The following FKBP4 variants were observed in gnomAD, a reference collection of about 807,000 sequenced individuals.
The protein encoded by FKBP4 is FKBP prolyl isomerase 4, also known as peptidyl-prolyl cis-trans isomerase FKBP4.
FKBP4 carries 28 observed loss-of-function variants against 54.1 expected under a neutral mutation model. The ratio of observed to expected loss-of-function variants is 0.52; its 90% confidence interval spans 0.38 to 0.71. The LOEUF is 0.71. Among genes scored for constraint, FKBP4 ranks in the 30% least tolerant of loss-of-function variants. The pLI is 0.00. For missense variants in FKBP4, 493 were observed against 574.4 expected (o/e 0.86, Z 1.45); for synonymous variants, 223 against 216.1 (o/e 1.03, Z -0.28).
chr12:2,798,176 G>A lies in FKBP4; in HGVS notation c.393+305G>A, dbSNP rs772363354. ...AAGGAGTCGGGATGTCAGAAACTAT[G>A]TCCCGTTATAAATGGCAGTACAGAA... On this transcript the variant is annotated intron_variant, in intron 3 of 9. Coordinates refer to ENST00000001008, the MANE Select transcript of FKBP4 (RefSeq NM_002014.4). The surrounding 1 kb of genome is among the most constrained non-coding windows in gnomAD (Gnocchi z 4.3). Among the ~76,000 whole-genome samples the A allele has an allele frequency of 1.3e-5, 2 of 152,240 alleles. No homozygotes were observed. The highest frequency in any genetic ancestry group is 2.4e-5 in the African/African-American group (1 of 41,472).
Position 2,795,148 on chromosome 12 carries a change from CGAG to C in FKBP4, c.13_15del (p.Glu5del). The C allele has an allele frequency of 7.6e-7, 1 of 1,307,712 alleles. No individual in the cohort carries two copies. The highest frequency in any genetic ancestry group is 9.8e-7 in the Non-Finnish European group (1 of 1,019,264). 81.0% of individuals were successfully genotyped at this position (1,307,712 alleles called of 1,614,324 possible). On this transcript the variant is annotated inframe_deletion, in exon 1 of 10. Transcript: ENST00000001008. The surrounding 1 kb of genome is among the most constrained non-coding windows in gnomAD (Gnocchi z 4.3). Reference sequence around the variant, plus strand: ...CGGCGCGCCGCGCGGAGATGACAGCCGAGGAGATGAAGGCGACCGAGAGCGGGG... The same window carrying C: ...CGGCGCGCCGCGCGGAGATGACAGCCGAGATGAAGGCGACCGAGAGCGGGG...
At chr12:2,796,962 A>G in intron 1 of FKBP4, 176 bp from the exon 2 acceptor site, 1 of 1,388,470 alleles carries the variant, frequency 7.2e-7, no homozygotes. Context: ...GAAAGACAAG[A>G]AGGTTAGTTG....
chr12:2,799,054 AC>A, intron 4 of FKBP4, 33 bp from the exon 5 acceptor site: 1 of 1,522,510 alleles, frequency 6.6e-7, no homozygotes. Context: ...CTGCCCTCTT[AC>A]AACTCTGGTA....
At chr12:2,799,458 T>A (rs1466872527) in intron 5 of FKBP4, among the ~76,000 whole-genome samples, 1 of 152,190 alleles carries the variant, frequency 6.6e-6, no homozygotes, top group Non-Finnish European at 1.5e-5. Context: ...TGCTACAGAT[T>A]CTCTCCTCTG....
intron 1 of FKBP4, chr12:2,796,089 G>A: frequency 8.4e-7 from 1 of 1,196,790 alleles, no homozygotes; most frequent in South Asian, 1.5e-5. Flanking sequence ...CCTGCCTTGG[G>A]TCGGAGCAGG....
intron 5 of FKBP4, 23 bp from the exon 6 acceptor site, chr12:2,799,827 C>T (rs1230979091): frequency 1.9e-6 from 3 of 1,601,458 alleles, no homozygotes; most frequent in African/African-American, 2.7e-5. Context: ...CAAGATGATA[C>T]ATAGTGTTTT....
At position 2,803,316 on chromosome 12, in the gene FKBP4, CCT is replaced by C. The variant is rs2097905898; in HGVS notation, c.*59_*60del. 5 of 1,225,214 alleles carry C rather than the reference CCT, an allele frequency of 4.1e-6. No homozygotes were observed. The highest frequency in any genetic ancestry group is 2.0e-5 in the Admixed American group (1 of 48,994). The allele number at this position is 1,225,214 out of a possible 1,614,324, so 75.9% of individuals were successfully genotyped here. A position where few individuals can be genotyped will look rare whatever the true frequency, so the allele number is the denominator to read the frequency against. On this transcript the variant is annotated 3_prime_UTR_variant, in exon 10 of 10. Coordinates refer to ENST00000001008, the MANE Select transcript of FKBP4 (RefSeq NM_002014.4). ...CTGCCCCCCAGTCTCCCCACTCCAC[CCT>C]GTTAGTTTTGTAAAAACTGAAGAAT...
In FKBP4 at chr12:2,795,757, A is replaced by G. The variant is rs2097901411; in HGVS notation, c.105+513A>G. ...GCCAGGACGGGGAGCGACTCCCCAC[A>G]GTGCTTTCCTGGCCCTTCGGCCTTT... On this transcript the variant is annotated intron_variant, in intron 1 of 9. Coordinates refer to ENST00000001008, the MANE Select transcript of FKBP4 (RefSeq NM_002014.4). This position sits in a 1 kb window ranked among gnomAD's most constrained non-coding sequence, Gnocchi z 4.3. The G allele has an allele frequency of 6.1e-6, 1 of 162,680 alleles. No homozygotes were observed. The highest frequency in any genetic ancestry group is 2.4e-5 in the African/African-American group (1 of 41,532). The allele number at this position is 162,680 out of a possible 1,614,324, so 10.1% of individuals were successfully genotyped here. A position where few individuals can be genotyped will look rare whatever the true frequency, so the allele number is the denominator to read the frequency against.
In FKBP4 at chr12:2,804,302, G is replaced by C. The variant is rs1485940439; in HGVS notation, c.*1044G>C. On this transcript the variant is annotated 3_prime_UTR_variant, in exon 10 of 10. Transcript: ENST00000001008. ...ACCATGCATGTTCATTTTGAAGTTG[G>C]AATTGGTCTTCTGCCTACCTCTGAT... The C allele has an allele frequency of 6.6e-6, 1 of 152,210 alleles. No homozygotes were observed. The highest frequency in any genetic ancestry group is 2.4e-5 in the African/African-American group (1 of 41,460). The allele number at this position is 152,210 out of a possible 1,614,324, so 9.4% of individuals were successfully genotyped here.
At chr12:2,799,699 A>C (rs1039341567) in intron 5 of FKBP4, 151 bp from the exon 6 acceptor site, 2 of 673,136 alleles carry the variant, frequency 3.0e-6, no homozygotes, top group Non-Finnish European at 5.3e-6. Context: ...ACCATCTGAC[A>C]GTGTGAAGAG....
intron 8 of FKBP4, 63 bp downstream of exon 8, chr12:2,800,640 A>G: frequency 6.7e-7 from 1 of 1,489,000 alleles, no homozygotes; most frequent in Non-Finnish European, 9.0e-7. Context: ...AGCTGCCAGC[A>G]TGTCTGAAAC....
At position 2,795,477 on chromosome 12, in the gene FKBP4, C is replaced by A. The variant is rs931265361; in HGVS notation, c.105+233C>A. ...GGCGGCCTAGGTGCGCGGGCCGAGG[C>A]CCCAGGCTCCCCAGCCGGCAGCGCC... On this transcript the variant is annotated intron_variant, in intron 1 of 9. Coordinates refer to ENST00000001008, the MANE Select transcript of FKBP4 (RefSeq NM_002014.4). The surrounding 1 kb of genome is among the most constrained non-coding windows in gnomAD (Gnocchi z 4.3). Among the ~76,000 whole-genome samples the A allele has an allele frequency of 9.5e-5, 14 of 147,180 alleles. No individual in the cohort carries two copies. The highest frequency in any genetic ancestry group is 1.1e-4 in the Non-Finnish European group (7 of 66,046).
chr12:2,797,098 C>G (rs761818033), intron 1 of FKBP4, 40 bp from the exon 2 acceptor site: 3 of 1,609,942 alleles, frequency 1.9e-6, no homozygotes, highest in South Asian at 2.2e-5. Flanking sequence ...CCTTTCTGCC[C>G]CAAACCCTGG....
rs1259042323 is a variant in FKBP4 at position 2,795,046 on chromosome 12, C to G, written c.-94C>G. 1 of 684,634 alleles carries G rather than the reference C, an allele frequency of 1.5e-6. No homozygotes were observed. Among genetic ancestry groups the G allele is most frequent in the East Asian group, 3.9e-5 (1 of 25,338 alleles). The allele number at this position is 684,634 out of a possible 1,614,324, so 42.4% of individuals were successfully genotyped here. ...CCGCAGTCAGTGCCGCCGCGCCCGG[C>G]CTCCCGCACGCCCCGCAGGTAGCGC... On this transcript the variant is annotated 5_prime_UTR_variant, in exon 1 of 10. Transcript: ENST00000001008. The surrounding 1 kb of genome is among the most constrained non-coding windows in gnomAD (Gnocchi z 4.3).
In FKBP4 at chr12:2,801,369, G is replaced by T. The variant is rs2097904672; in HGVS notation, c.1272+13G>T. 6.2e-7 allele frequency: 1 copy of T among 1,613,660 alleles called. No individual in the cohort carries two copies. Among genetic ancestry groups the T allele is most frequent in the Non-Finnish European group, 8.5e-7 (1 of 1,179,770 alleles). On this transcript the variant is annotated intron_variant, in intron 9 of 9. Transcript: ENST00000001008. ...GGAGGAGAACAAGGTGAGGATTGGG[G>T]TGGGGAACAGTTGGAATAGCATCCC...
At chr12:2,796,701 C>T (rs2153919155) in intron 1 of FKBP4, 2 of 1,069,694 alleles carry the variant, frequency 1.9e-6, no homozygotes, top group Non-Finnish European at 2.3e-6. Context: ...CTTAGTCTGA[C>T]GACCACTGGC....
rs1193752244 is a variant in FKBP4 at position 2,797,350 on chromosome 12, T to C, written c.250+68T>C. 3 of 1,579,152 alleles carry C rather than the reference T, an allele frequency of 1.9e-6. No individual in the cohort carries two copies. The African/African-American group carries it at 4.0e-5, about 21-fold the overall frequency. ...CACAAGCTGTCACAAGCAGAAACCA[T>C]TTTCTCAGGACCAAGCTCAGGGAGG... On this transcript the variant is annotated intron_variant, in intron 2 of 9. Transcript: ENST00000001008.
Position 2,799,953 on chromosome 12 carries a change from A to C in FKBP4, c.762+13A>C. 1 of 1,613,940 alleles carries C rather than the reference A, an allele frequency of 6.2e-7. No homozygotes were observed. The highest frequency in any genetic ancestry group is 8.5e-7 in the Non-Finnish European group (1 of 1,179,762). ...GAGTTTTGAAAAGGTAAGTTTGCTC[A>C]GGGTCTTCCCATCTAAAGTCAAGTT... is the stretch of plus-strand genomic sequence containing the variant. On this transcript the variant is annotated intron_variant, in intron 6 of 9. Transcript: ENST00000001008.
chr12:2,795,891 G>C lies in FKBP4; in HGVS notation c.105+647G>C. The C allele has an allele frequency of 1.0e-6, 1 of 952,890 alleles. No homozygotes were observed. Among genetic ancestry groups the C allele is most frequent in the Non-Finnish European group, 1.3e-6 (1 of 798,282 alleles). The allele number at this position is 952,890 out of a possible 1,614,324, so 59.0% of individuals were successfully genotyped here. On this transcript the variant is annotated intron_variant, in intron 1 of 9. Transcript: ENST00000001008. The surrounding 1 kb of genome is among the most constrained non-coding windows in gnomAD (Gnocchi z 4.3). ...CGCGGCGCCCCCTCCCTCGGCCCCG[G>C]GGAGGCCGGGCGCGGGGCATGCCGG...
Sources: gnomAD v4.1 joint callset for allele counts (sites outside exome capture counted in the v4.1 genomes callset) on GRCh38, gnomAD v4.1.1 for gene constraint, Gnocchi (gnomAD v3.1) non-coding constraint, MANE v1.5 for transcripts, NCBI Gene and HGNC (gene_info 2026-07-23, HGNC 2026-07-21) for gene names.